ASCC3: variants seen among roughly 807,000 people sequenced by gnomAD.
ASCC3 encodes the protein activating signal cointegrator 1 complex subunit 3, also known as ASC-1 complex subunit P200.
A neutral mutation model predicts 256.3 loss-of-function variants in ASCC3; 158 were observed. That is an observed-to-expected ratio of 0.62 (90% CI 0.54 to 0.70). The LOEUF (loss-of-function observed/expected upper bound fraction) is 0.70, where lower values mean the gene tolerates loss of function less well. ASCC3 is among the 30% of genes least tolerant of loss of function. The pLI, the probability that ASCC3 is intolerant of heterozygous loss-of-function variation, is 0.00. For synonymous variants in ASCC3, 948 were observed against 883.4 expected, an observed-to-expected ratio of 1.07 and a Z score of -1.30; for missense variants, 2,259 against 2,626.0, an observed-to-expected ratio of 0.86 and a Z score of 3.05.
intron 30 of ASCC3, among the ~76,000 whole-genome samples, chr6:100,623,126 T>A (rs1395213188): frequency 3.9e-5 from 6 of 152,122 alleles, no homozygotes; most frequent in Non-Finnish European, 7.4e-5. Context: ...CTATTTTTCA[T>A]CATTTGCCTC....
intron 37 of ASCC3, among the ~76,000 whole-genome samples, chr6:100,535,684 G>A (rs892533500): frequency 6.6e-6 from 1 of 151,896 alleles, no homozygotes; most frequent in Non-Finnish European, 1.5e-5. Context: ...GGCCAGGCTG[G>A]TCTTGAACTC....
intron 4 of ASCC3, among the ~76,000 whole-genome samples, chr6:100,834,768 T>C (rs1029201443): frequency 2.0e-5 from 3 of 152,124 alleles, no homozygotes; most frequent in Non-Finnish European, 2.9e-5. Context: ...AACTTAGCAA[T>C]AGAAAGTCTG....
chr6:100,534,379 C>T (rs1332906306), intron 37 of ASCC3, among the ~76,000 whole-genome samples: 3 of 152,230 alleles, frequency 2.0e-5, no homozygotes, highest in Non-Finnish European at 4.4e-5. Flanking sequence ...ATTTAGACAA[C>T]TCACTTAAAT....
chr6:100,651,753 C>G (rs1203702705), intron 18 of ASCC3, 107 bp from the exon 19 acceptor site: 2 of 460,540 alleles, frequency 4.3e-6, no homozygotes, highest in Non-Finnish European at 7.2e-6. Flanking sequence ...GAGCCCTAGA[C>G]AGTGCAGTTA....
chr6:100,858,996 C>A, intron 3 of ASCC3: 1 of 694,530 alleles, frequency 1.4e-6, no homozygotes, highest in South Asian at 1.6e-5. Flanking sequence ...TTAAAGCCAT[C>A]ATAGCATATA....
At chr6:100,839,243 G>C (rs969176988) in intron 4 of ASCC3, among the ~76,000 whole-genome samples, 4 of 152,160 alleles carry the variant, frequency 2.6e-5, no homozygotes, top group Middle Eastern at 3.4e-3. Flanking sequence ...GATAATGGGA[G>C]GAGGTTGATT....
At chr6:100,737,858 A>AT (rs1582786452) in intron 10 of ASCC3, among the ~76,000 whole-genome samples, 1 of 151,950 alleles carries the variant, frequency 6.6e-6, no homozygotes, top group African/African-American at 2.4e-5. Context: ...GTGTAAAAGC[A>AT]TTTTTTCTCA....
At chr6:100,608,097 C>CACATATATATGTATATATCTCTATATAT (rs1773028902) in intron 30 of ASCC3, among the ~76,000 whole-genome samples, 2 of 45,026 alleles carry the variant, frequency 4.4e-5, no homozygotes, top group Non-Finnish European at 8.2e-5. Flanking sequence ...TATCTATATA[C>CACATATATATGTATATATCTCTATATAT]ACATATATAT....
chr6:100,610,547 AC>A (rs1383251769), intron 30 of ASCC3, among the ~76,000 whole-genome samples: 5 of 152,162 alleles, frequency 3.3e-5, no homozygotes, highest in Non-Finnish European at 7.4e-5. Context: ...AAAGCACTGT[AC>A]AAACTAGGTG....
intron 3 of ASCC3, among the ~76,000 whole-genome samples, chr6:100,860,528 A>T (rs953296560): frequency 9.2e-5 from 14 of 151,892 alleles, no homozygotes; most frequent in Non-Finnish European, 2.1e-4. Context: ...GACCACAGAG[A>T]ACTTTGAGTT....
At chr6:100,612,226 C>T (rs1417199543) in intron 30 of ASCC3, among the ~76,000 whole-genome samples, 1 of 151,824 alleles carries the variant, frequency 6.6e-6, no homozygotes, top group Non-Finnish European at 1.5e-5. Context: ...TACTCTGTGC[C>T]TGAAATACAT....
At chr6:100,602,942 T>A (rs79409560) in intron 33 of ASCC3, among the ~76,000 whole-genome samples, 2,488 of 152,202 alleles carry the variant, frequency 0.016, 66 homozygotes, top group African/African-American at 0.056. Context: ...AAAAAGTTGC[T>A]ATGTTACTCT....
At chr6:100,558,181 AGACTT>A (rs1769719694) in intron 36 of ASCC3, among the ~76,000 whole-genome samples, 1 of 152,082 alleles carries the variant, frequency 6.6e-6, no homozygotes, top group Non-Finnish European at 1.5e-5. Context: ...CAAAAGCAAA[AGACTT>A]GAATATCAAA....
At chr6:100,819,765 C>T (rs959772894) in intron 4 of ASCC3, among the ~76,000 whole-genome samples, 2 of 152,122 alleles carry the variant, frequency 1.3e-5, no homozygotes, top group Non-Finnish European at 2.9e-5. Context: ...GCACCCACCC[C>T]GACTGAGGGT....
At chr6:100,546,193 T>C (rs956120708) in intron 36 of ASCC3, among the ~76,000 whole-genome samples, 4 of 152,070 alleles carry the variant, frequency 2.6e-5, no homozygotes, top group Admixed American at 1.3e-4. Context: ...CTGATAAAAA[T>C]ATGAAAACCT....
intron 4 of ASCC3, among the ~76,000 whole-genome samples, chr6:100,839,525 A>G (rs1772039391): frequency 6.6e-6 from 1 of 152,150 alleles, no homozygotes; most frequent in Non-Finnish European, 1.5e-5. Flanking sequence ...TAACAAGACA[A>G]TATATGGCCT....
At chr6:100,603,202 T>C (rs1033506009) in intron 33 of ASCC3, among the ~76,000 whole-genome samples, 1 of 152,002 alleles carries the variant, frequency 6.6e-6, no homozygotes, top group African/African-American at 2.4e-5. Context: ...TACTATGTAA[T>C]ACATAAAATA....
intron 4 of ASCC3, among the ~76,000 whole-genome samples, chr6:100,823,524 C>A (rs1016004034): frequency 6.6e-6 from 1 of 152,108 alleles, no homozygotes; most frequent in African/African-American, 2.4e-5. Flanking sequence ...TAGGTATGGA[C>A]GGGCAACATG....
intron 4 of ASCC3, among the ~76,000 whole-genome samples, chr6:100,838,943 T>C (rs1257308394): frequency 6.6e-6 from 1 of 152,128 alleles, no homozygotes; most frequent in African/African-American, 2.4e-5. Flanking sequence ...AATTTCTAAA[T>C]CTAATAACCA....
Sources: gnomAD v4.1 joint callset for allele counts (sites outside exome capture counted in the v4.1 genomes callset) on GRCh38, gnomAD v4.1.1 for gene constraint, MANE v1.5 for transcripts, NCBI Gene and HGNC (gene_info 2026-07-23, HGNC 2026-07-21) for gene names.